SLC16A10: variants seen among roughly 807,000 people sequenced by gnomAD.
SLC16A10 encodes monocarboxylate transporter 10.
A neutral mutation model predicts 40.0 loss-of-function variants in SLC16A10; 27 were observed. The observed-to-expected ratio is 0.67, with a 90% CI of 0.50 to 0.93. The LOEUF (loss-of-function observed/expected upper bound fraction) is 0.93, where lower values mean the gene tolerates loss of function less well. Ranked by LOEUF, SLC16A10 falls within the 40% of genes least tolerant of loss-of-function variation. The pLI is 0.00. For missense variants in SLC16A10, 529 were observed against 658.2 expected (o/e 0.80, Z 2.15); for synonymous variants, 213 against 249.8 (o/e 0.85, Z 1.39).
At chr6:111,174,139 C>A (rs1005699564) in intron 2 of SLC16A10, among the ~76,000 whole-genome samples, 12 of 152,316 alleles carry the variant, frequency 7.9e-5, no homozygotes, top group African/African-American at 2.9e-4. Context: ...CTCTGGCTAA[C>A]AGGAGGTGAT....
chr6:111,203,742 A>ATAAT (rs1325236381), intron 3 of SLC16A10, among the ~76,000 whole-genome samples: 1 of 150,546 alleles, frequency 6.6e-6, no homozygotes, highest in East Asian at 1.9e-4. Flanking sequence ...AAATAAATAA[A>ATAAT]TAAATAAATA....
intron 1 of SLC16A10, among the ~76,000 whole-genome samples, chr6:111,090,774 T>C (rs1487327329): frequency 2.6e-5 from 4 of 152,258 alleles, no homozygotes; most frequent in Non-Finnish European, 4.4e-5. Flanking sequence ...ATCAAGCATA[T>C]GCAAGCTTCA....
intron 3 of SLC16A10, among the ~76,000 whole-genome samples, chr6:111,204,181 G>A (rs1160132902): frequency 2.6e-5 from 4 of 152,142 alleles, no homozygotes; most frequent in South Asian, 2.1e-4. Flanking sequence ...CATGAGGAAT[G>A]TGGGCCAAAG....
chr6:111,096,853 C>A (rs567074725), intron 1 of SLC16A10, among the ~76,000 whole-genome samples: 2 of 152,038 alleles, frequency 1.3e-5, no homozygotes, highest in South Asian at 4.2e-4. Flanking sequence ...GGGTCTTGCT[C>A]TCTTGCTCAG....
At chr6:111,095,561 ATATGGTT>A (rs1771059153) in intron 1 of SLC16A10, among the ~76,000 whole-genome samples, 1 of 152,188 alleles carries the variant, frequency 6.6e-6, no homozygotes, top group Non-Finnish European at 1.5e-5. Context: ...ATATTCTCTG[ATATGGTT>A]TGGCTGTGTT....
intron 5 of SLC16A10, among the ~76,000 whole-genome samples, chr6:111,221,762 C>G (rs1188327481): frequency 1.3e-5 from 2 of 151,668 alleles, no homozygotes; most frequent in African/African-American, 4.8e-5. Context: ...AAAAAAACGT[C>G]TACCTTTCTA....
At position 111,139,811 on chromosome 6, in the gene SLC16A10, T is replaced by C. The variant is rs1487684636; in HGVS notation, c.344-32884T>C. Among the ~76,000 whole-genome samples, 3 of 152,236 alleles carry C rather than the reference T, an allele frequency of 2.0e-5. No homozygotes were observed. In the East Asian group the frequency reaches 5.8e-4, roughly 29 times the overall value. ...TCAGTAATAGGATTGCTGGATTGAATGGTAGTTCTTCTTTTAGCTCTTTGA... is the reference window on the plus strand; with the variant it reads ...TCAGTAATAGGATTGCTGGATTGAACGGTAGTTCTTCTTTTAGCTCTTTGA... On this transcript the variant is annotated intron_variant, in intron 1 of 5. Coordinates refer to ENST00000368851, the MANE Select transcript of SLC16A10 (RefSeq NM_018593.5).
intron 3 of SLC16A10, among the ~76,000 whole-genome samples, chr6:111,186,710 G>A (rs878886720): frequency 1.3e-5 from 2 of 152,050 alleles, no homozygotes; most frequent in Admixed American, 1.3e-4. Context: ...AAAGTTCTAG[G>A]GGCTGTACAT....
chr6:111,219,063 G>A (rs369635690), intron 5 of SLC16A10, 21 bp downstream of exon 5: 3 of 1,581,748 alleles, frequency 1.9e-6, no homozygotes. Flanking sequence ...TGATTCTCCA[G>A]TAGTTATATT....
rs1175385088 is a variant in SLC16A10, at chr6:111,225,352, C to G, written c.*3117C>G. On this transcript the variant is annotated 3_prime_UTR_variant, in exon 6 of 6. Transcript: ENST00000368851. ...GGCGGATTGCCTGAGCTCAGGAGTT[C>G]GCAACCAGCCTGGGAAACACGGTGA... The G allele has an allele frequency of 6.6e-6, 1 of 151,992 alleles. No individual in the cohort carries two copies. Among genetic ancestry groups the G allele is most frequent in the Non-Finnish European group, 1.5e-5 (1 of 68,040 alleles). 9.4% of individuals were successfully genotyped at this position (151,992 alleles called of 1,614,324 possible).
intron 1 of SLC16A10, among the ~76,000 whole-genome samples, chr6:111,148,691 C>T (rs992860326): frequency 6.6e-6 from 1 of 152,240 alleles, no homozygotes; most frequent in Non-Finnish European, 1.5e-5. Context: ...CAGTGTGTAA[C>T]AGTGAACAAT....
At chr6:111,163,149 T>TC in intron 1 of SLC16A10, among the ~76,000 whole-genome samples, 1 of 41,430 alleles carries the variant, frequency 2.4e-5, no homozygotes, top group Non-Finnish European at 6.6e-5. Flanking sequence ...CATAATAATT[T>TC]TTTTTTTTTT....
intron 3 of SLC16A10, among the ~76,000 whole-genome samples, chr6:111,184,475 T>C (rs1017249940): frequency 1.3e-5 from 2 of 151,798 alleles, no homozygotes; most frequent in African/African-American, 2.4e-5. Context: ...CCACTAGTAA[T>C]TGGAAATGAT....
chr6:111,087,767 G>A lies in SLC16A10; in HGVS notation c.15G>A (p.Gln5=), dbSNP rs1345522812. Residue 5 remains glutamine, a synonymous_variant, in exon 1 of 6, where the codon CAG becomes CAA. Coordinates refer to ENST00000368851, the MANE Select transcript of SLC16A10 (RefSeq NM_018593.5). MVLS[Q]EEPDSARGTS... Reference sequence around the variant, plus strand: ...CGCCTCGGGCCATGGTGCTCTCCCAGGAGGAGCCGGACTCCGCGCGGGGCA... The same window carrying A: ...CGCCTCGGGCCATGGTGCTCTCCCAAGAGGAGCCGGACTCCGCGCGGGGCA... 9 of 1,223,912 alleles carry A rather than the reference G, an allele frequency of 7.4e-6. No individual in the cohort carries two copies. The highest frequency in any genetic ancestry group is 1.6e-5 in the African/African-American group (1 of 63,448). The allele number at this position is 1,223,912 out of a possible 1,614,324, so 75.8% of individuals were successfully genotyped here. A position where few individuals can be genotyped will look rare whatever the true frequency, so the allele number is the denominator to read the frequency against.
At chr6:111,200,525 C>T (rs1487702720) in intron 3 of SLC16A10, among the ~76,000 whole-genome samples, 1 of 152,282 alleles carries the variant, frequency 6.6e-6, no homozygotes, top group Non-Finnish European at 1.5e-5. Context: ...GAGTGCCCCA[C>T]TTGTTTTAAT....
At chr6:111,152,258 G>C (rs1772184995) in intron 1 of SLC16A10, among the ~76,000 whole-genome samples, 1 of 152,130 alleles carries the variant, frequency 6.6e-6, no homozygotes, top group South Asian at 2.1e-4. Context: ...TTGTCAACCA[G>C]CATATCAACA....
chr6:111,201,097 T>A (rs1418616003), intron 3 of SLC16A10, among the ~76,000 whole-genome samples: 3 of 152,164 alleles, frequency 2.0e-5, no homozygotes, highest in Middle Eastern at 3.4e-3. Context: ...CCCTGAAGAG[T>A]TTATTCTCCT....
intron 1 of SLC16A10, among the ~76,000 whole-genome samples, chr6:111,114,919 G>A (rs754372240): frequency 7.2e-5 from 11 of 152,058 alleles, no homozygotes; most frequent in Non-Finnish European, 1.2e-4. Flanking sequence ...CCATCGCCCA[G>A]GCTGGAGTGC....
intron 1 of SLC16A10, among the ~76,000 whole-genome samples, chr6:111,120,773 A>G (rs984323544): frequency 1.4e-4 from 21 of 152,322 alleles, no homozygotes; most frequent in Admixed American, 1.3e-3. Context: ...TGAGCAAGAT[A>G]TTAGGGTTGT....
Sources: gnomAD v4.1 joint callset for allele counts (sites outside exome capture counted in the v4.1 genomes callset) on GRCh38, gnomAD v4.1.1 for gene constraint, MANE v1.5 for transcripts, NCBI Gene and HGNC (gene_info 2026-07-23, HGNC 2026-07-21) for gene names.